The following OR9Q1 variants were observed in gnomAD, a reference collection of about 807,000 sequenced individuals.
OR9Q1 encodes the protein olfactory receptor 9Q1.
For synonymous variants in OR9Q1, 153 were observed against 148.6 expected (o/e 1.03, Z -0.22); for missense variants, 374 against 378.8 (o/e 0.99, Z 0.11).
intron 2 of OR9Q1, among the ~76,000 whole-genome samples, chr11:58,140,383 T>A (rs946200560): frequency 3.3e-5 from 5 of 152,294 alleles, no homozygotes; most frequent in East Asian, 1.9e-4. Context: ...CTGAATGGTA[T>A]TGCCTAGGTT....
chr11:58,147,507 G>T (rs1451941365), intron 2 of OR9Q1, among the ~76,000 whole-genome samples: 6 of 152,098 alleles, frequency 3.9e-5, no homozygotes, highest in African/African-American at 1.4e-4. Flanking sequence ...AGACAGTGGG[G>T]GTTTGCTATT....
intron 1 of OR9Q1, among the ~76,000 whole-genome samples, chr11:58,046,824 T>C (rs182904868): frequency 1.3e-5 from 2 of 151,954 alleles, no homozygotes; most frequent in East Asian, 3.9e-4. Context: ...GATCACGCCA[T>C]TGCATTCCAG....
chr11:58,117,548 A>G (rs1371708794), intron 2 of OR9Q1: 3 of 152,214 alleles, frequency 2.0e-5, no homozygotes, highest in Non-Finnish European at 4.4e-5. Flanking sequence ...TCTGTTCTCA[A>G]GGGTTTTACA....
intron 1 of OR9Q1, among the ~76,000 whole-genome samples, chr11:58,052,659 G>A (rs1306953792): frequency 2.0e-5 from 2 of 99,796 alleles, no homozygotes; most frequent in Non-Finnish European, 4.3e-5. Flanking sequence ...GAGTGAACAA[G>A]CAACCTACAA....
rs573954048 is a variant in OR9Q1 at position 58,044,909 on chromosome 11, C to T, written c.-92-10961C>T. 8 of 152,280 alleles carry T rather than the reference C, an allele frequency of 5.3e-5. No individual in the cohort carries two copies. The East Asian group carries it at 1.5e-3, about 29-fold the overall frequency. 9.4% of individuals were successfully genotyped at this position (152,280 alleles called of 1,614,324 possible). ...CATCCCTAATTTGAAAATCTGAAATCTGGAATGCTCCAAAATCCAAAACTT... is the reference window on the plus strand; with the variant it reads ...CATCCCTAATTTGAAAATCTGAAATTTGGAATGCTCCAAAATCCAAAACTT... On this transcript the variant is annotated intron_variant, in intron 1 of 2. Coordinates refer to ENST00000335397, the MANE Select transcript of OR9Q1 (RefSeq NM_001005212.4).
At chr11:58,040,225 G>C (rs1325203597) in intron 1 of OR9Q1, among the ~76,000 whole-genome samples, 2 of 152,144 alleles carry the variant, frequency 1.3e-5, no homozygotes, top group African/African-American at 2.4e-5. Context: ...GAGTGGACTG[G>C]GTGACTTTAA....
intron 2 of OR9Q1, among the ~76,000 whole-genome samples, chr11:58,177,315 CAG>C (rs1480408000): frequency 1.3e-5 from 2 of 152,302 alleles, no homozygotes; most frequent in South Asian, 4.1e-4. Context: ...ATAAACTAAA[CAG>C]AGATTCTGTG....
intron 1 of OR9Q1, among the ~76,000 whole-genome samples, chr11:58,027,590 C>G (rs910006588): frequency 6.6e-6 from 1 of 152,044 alleles, no homozygotes; most frequent in Non-Finnish European, 1.5e-5. Flanking sequence ...AATCCCTGCT[C>G]CAGGAAGAAG....
intron 2 of OR9Q1, among the ~76,000 whole-genome samples, chr11:58,146,250 G>A (rs943447940): frequency 2.6e-5 from 4 of 152,204 alleles, no homozygotes; most frequent in Non-Finnish European, 5.9e-5. Flanking sequence ...CTTCAGTAAT[G>A]AAAACCATTA....
intron 2 of OR9Q1, among the ~76,000 whole-genome samples, chr11:58,063,008 G>A (rs923589418): frequency 6.6e-6 from 1 of 152,150 alleles, no homozygotes; most frequent in African/African-American, 2.4e-5. Flanking sequence ...CCTGAGGATA[G>A]GGCTATGGCC....
At chr11:58,127,761 C>T (rs1428991232) in intron 2 of OR9Q1, among the ~76,000 whole-genome samples, 1 of 152,060 alleles carries the variant, frequency 6.6e-6, no homozygotes, top group Non-Finnish European at 1.5e-5. Context: ...ATATCTGGGG[C>T]TTCTGATGCC....
intron 1 of OR9Q1, among the ~76,000 whole-genome samples, chr11:58,030,523 G>A (rs1036572768): frequency 1.1e-4 from 16 of 152,064 alleles, no homozygotes; most frequent in Admixed American, 9.8e-4. Flanking sequence ...TGAACTCCAT[G>A]GTAAACTGTC....
At chr11:58,164,203 A>T (rs1854481131) in intron 2 of OR9Q1, among the ~76,000 whole-genome samples, 1 of 152,126 alleles carries the variant, frequency 6.6e-6, no homozygotes, top group Non-Finnish European at 1.5e-5. Flanking sequence ...GAGGAGGAGA[A>T]GAGAATGATA....
chr11:58,128,254 T>TAAAAAAA (rs56238213), intron 2 of OR9Q1, among the ~76,000 whole-genome samples: 2 of 126,238 alleles, frequency 1.6e-5, no homozygotes, highest in Non-Finnish European at 3.3e-5. Context: ...CAAGAAAAAC[T>TAAAAAAA]AAAAAAAAAA....
chr11:58,093,759 C>CAAAAAAAA (rs71061572), intron 2 of OR9Q1, among the ~76,000 whole-genome samples: 3 of 35,520 alleles, frequency 8.4e-5, no homozygotes, highest in Non-Finnish European at 1.1e-4. Context: ...GACTTCATCT[C>CAAAAAAAA]AAAAAAAAAA....
chr11:58,133,777 G>A (rs1854165057), intron 2 of OR9Q1, among the ~76,000 whole-genome samples: 1 of 152,204 alleles, frequency 6.6e-6, no homozygotes, highest in Non-Finnish European at 1.5e-5. Flanking sequence ...GAATGATTCA[G>A]CATGACGCCA....
At chr11:58,075,711 A>T (rs1320578763) in intron 2 of OR9Q1, among the ~76,000 whole-genome samples, 1 of 152,190 alleles carries the variant, frequency 6.6e-6, no homozygotes, top group Non-Finnish European at 1.5e-5. Context: ...GAACTATTAG[A>T]AGTAAACTTC....
intron 2 of OR9Q1, among the ~76,000 whole-genome samples, chr11:58,136,304 A>G (rs1203962340): frequency 6.6e-6 from 1 of 152,166 alleles, no homozygotes; most frequent in Non-Finnish European, 1.5e-5. Flanking sequence ...ACTGTGGAGC[A>G]TGGTGGGTTC....
rs971685072 is a variant in OR9Q1 at position 58,031,357 on chromosome 11, C to T, written c.-93+7253C>T. 11 of 1,614,206 alleles carry T rather than the reference C, an allele frequency of 6.8e-6. No individual in the cohort carries two copies. The East Asian group carries it at 2.0e-4, about 29-fold the overall frequency. ...ATGTGGCCATTTGTATGCCTCTCCA[C>T]TATGGGGCTTTTGTGTCCTGGGGCA... On this transcript the variant is annotated intron_variant, in intron 1 of 2. Coordinates refer to ENST00000335397, the MANE Select transcript of OR9Q1 (RefSeq NM_001005212.4).
Sources: allele counts gnomAD v4.1 joint callset (sites outside exome capture counted in the v4.1 genomes callset), GRCh38; gene constraint gnomAD v4.1.1; transcripts MANE v1.5; gene names NCBI Gene and HGNC (gene_info 2026-07-23, HGNC 2026-07-21).